FER: variants seen among roughly 807,000 people sequenced by gnomAD.
FER encodes tyrosine-protein kinase Fer.
Under a neutral mutation model 111.0 loss-of-function variants are expected in FER, and 63 were observed. The observed-to-expected ratio is 0.57, with a 90% CI of 0.46 to 0.70. FER has a LOEUF of 0.70. Among genes scored for constraint, FER ranks in the 30% least tolerant of loss-of-function variants. FER has a pLI of 0.00. For missense variants in FER, 914 were observed against 954.0 expected (o/e 0.96, Z 0.55); for synonymous variants, 327 against 313.9 (o/e 1.04, Z -0.44).
intron 17 of FER, among the ~76,000 whole-genome samples, chr5:109,146,959 A>G (rs898736815): frequency 6.6e-5 from 10 of 152,212 alleles, no homozygotes; most frequent in Admixed American, 2.0e-4. Flanking sequence ...TTAAGAGACA[A>G]TGTATTTTTT....
intron 13 of FER, among the ~76,000 whole-genome samples, chr5:109,011,900 C>T (rs1766321575): frequency 6.6e-6 from 1 of 152,158 alleles, no homozygotes; most frequent in Non-Finnish European, 1.5e-5. Flanking sequence ...CTTTCTTTAG[C>T]CTCTGTTTCT....
chr5:109,114,443 C>T (rs908217799), intron 17 of FER, among the ~76,000 whole-genome samples: 1 of 151,944 alleles, frequency 6.6e-6, no homozygotes, highest in Non-Finnish European at 1.5e-5. Context: ...GACCTCATTG[C>T]TTATGAAGCT....
intron 3 of FER, among the ~76,000 whole-genome samples, chr5:108,806,923 A>C (rs900624978): frequency 1.3e-5 from 2 of 152,030 alleles, no homozygotes; most frequent in South Asian, 4.1e-4. Context: ...ATTGGTTTTG[A>C]AATGTGAGGA....
intron 13 of FER, among the ~76,000 whole-genome samples, chr5:109,001,449 ACT>A (rs1764756656): frequency 6.6e-6 from 1 of 152,256 alleles, no homozygotes; most frequent in Non-Finnish European, 1.5e-5. Flanking sequence ...CATGCTAAAA[ACT>A]CTCAATCAAT....
chr5:108,985,695 T>A (rs1323115571), intron 13 of FER, among the ~76,000 whole-genome samples: 5 of 152,174 alleles, frequency 3.3e-5, no homozygotes, highest in African/African-American at 1.2e-4. Context: ...ATGTTTGGTT[T>A]TTCATTCCTC....
At chr5:108,861,037 A>T (rs543471248) in intron 5 of FER, among the ~76,000 whole-genome samples, 3 of 152,290 alleles carry the variant, frequency 2.0e-5, no homozygotes, top group Admixed American at 6.5e-5. Flanking sequence ...GATACATGGG[A>T]ATTATAGGGA....
intron 8 of FER, among the ~76,000 whole-genome samples, chr5:108,872,962 A>G (rs78224142): frequency 0.06 from 9,072 of 152,164 alleles, 292 homozygotes; most frequent in African/African-American, 0.086. Context: ...GACATGTTAT[A>G]TCATATCACC....
intron 10 of FER, among the ~76,000 whole-genome samples, chr5:108,924,203 A>T (rs777014272): frequency 6.6e-6 from 1 of 151,852 alleles, no homozygotes; most frequent in Non-Finnish European, 1.5e-5. Context: ...CTAAAAATAC[A>T]AAAAAATTTA....
intron 13 of FER, among the ~76,000 whole-genome samples, chr5:109,017,827 A>G (rs1242128778): frequency 6.6e-6 from 1 of 151,934 alleles, no homozygotes; most frequent in African/African-American, 2.4e-5. Flanking sequence ...CACAAAACCT[A>G]CTTGTTTTCC....
chr5:108,781,944 C>T (rs1046962646), intron 2 of FER, among the ~76,000 whole-genome samples: 2 of 151,546 alleles, frequency 1.3e-5, no homozygotes, highest in Non-Finnish European at 2.9e-5. Context: ...CCCACCCTGT[C>T]ATACATACTG....
At chr5:108,888,857 T>A (rs1747579688) in intron 9 of FER, among the ~76,000 whole-genome samples, 1 of 151,856 alleles carries the variant, frequency 6.6e-6, no homozygotes, top group Admixed American at 6.6e-5. Flanking sequence ...ACATGTTGAT[T>A]TTAAAATGTT....
intron 17 of FER, among the ~76,000 whole-genome samples, chr5:109,128,473 GTGA>G (rs2126555163): frequency 6.6e-6 from 1 of 152,254 alleles, no homozygotes; most frequent in East Asian, 1.9e-4. Context: ...TCTCAGTAAT[GTGA>G]TGATATTTCT....
chr5:108,876,524 A>G (rs1359839248), intron 8 of FER, among the ~76,000 whole-genome samples: 3 of 152,200 alleles, frequency 2.0e-5, no homozygotes, highest in Non-Finnish European at 4.4e-5. Context: ...GTTCATGCCT[A>G]TAGTGTCAAA....
intron 13 of FER, among the ~76,000 whole-genome samples, chr5:109,003,426 T>G (rs1446536477): frequency 6.6e-6 from 1 of 151,952 alleles, no homozygotes; most frequent in Non-Finnish European, 1.5e-5. Flanking sequence ...TGAGAACACA[T>G]GGACACAGGA....
chr5:109,094,954 T>G (rs1031960420), intron 16 of FER, among the ~76,000 whole-genome samples: 1 of 152,178 alleles, frequency 6.6e-6, no homozygotes, highest in African/African-American at 2.4e-5. Flanking sequence ...TTGCATCATG[T>G]CTGGCAAGAG....
intron 8 of FER, 37 bp downstream of exon 8, chr5:108,872,249 GTAT>G (rs1287518129): frequency 2.0e-6 from 3 of 1,530,126 alleles, no homozygotes; most frequent in East Asian, 2.3e-5. Flanking sequence ...TTAAATACTA[GTAT>G]TATTATTGCT....
At chr5:108,802,809 A>G (rs1354436118) in intron 3 of FER, among the ~76,000 whole-genome samples, 1 of 152,042 alleles carries the variant, frequency 6.6e-6, no homozygotes, top group Non-Finnish European at 1.5e-5. Context: ...CAAAACAGAA[A>G]CAGGTGTCTG....
At chr5:109,058,624 A>G (rs1177706591) in intron 16 of FER, among the ~76,000 whole-genome samples, 1 of 151,568 alleles carries the variant, frequency 6.6e-6, no homozygotes, top group Non-Finnish European at 1.5e-5. Context: ...TACAAGTTAT[A>G]TATAACTTTC....
At position 109,117,156 on chromosome 5, in the gene FER, G is replaced by T. The variant is rs137862954; in HGVS notation, c.2048+16637G>T. ...ACTTAAAATGTTACAATTCAGAAAG[G>T]TTCTTTTTCTTTCAGGAATACATTC... is the stretch of plus-strand genomic sequence containing the variant. On this transcript the variant is annotated intron_variant, in intron 17 of 19. Coordinates refer to ENST00000281092, the MANE Select transcript of FER (RefSeq NM_005246.4). Among the ~76,000 whole-genome samples the T allele has an allele frequency of 6.3e-4, 96 of 152,104 alleles. 2 individuals are homozygous for T. Among genetic ancestry groups the T allele is most frequent in the African/African-American group, 2.1e-3 (86 of 41,512 alleles).
Sources: allele counts gnomAD v4.1 joint callset (sites outside exome capture counted in the v4.1 genomes callset), GRCh38; gene constraint gnomAD v4.1.1; transcripts MANE v1.5; gene names NCBI Gene and HGNC (gene_info 2026-07-23, HGNC 2026-07-21).